Variants in SQOR observed in about 807,000 individuals in gnomAD.
SQOR encodes sulfide:quinone oxidoreductase, mitochondrial.
A neutral mutation model predicts 48.6 loss-of-function variants in SQOR; 39 were observed. That is an observed-to-expected ratio of 0.80 (90% CI 0.62 to 1.05). The LOEUF (loss-of-function observed/expected upper bound fraction) is 1.05, where lower values mean the gene tolerates loss of function less well. Among genes scored for constraint, SQOR ranks in the 50% least tolerant of loss-of-function variants. The pLI is 0.00. For synonymous variants in SQOR, 220 were observed against 206.2 expected, an observed-to-expected ratio of 1.07 and a Z score of -0.57; for missense variants, 561 against 559.9, an observed-to-expected ratio of 1.00 and a Z score of -0.02.
In SQOR at chr15:45,635,068, G is replaced by A. The variant is rs1894974638; in HGVS notation, c.-58G>A. ...GACCCAGAAGGGAGCGAAGGTTTTT[G>A]CTGCGCCAACGCAGTGACCGAAGGC... On this transcript the variant is annotated 5_prime_UTR_variant, in exon 1 of 10. Transcript: ENST00000260324. The A allele has an allele frequency of 6.6e-6, 1 of 152,258 alleles. No homozygotes were observed. The allele number at this position is 152,258 out of a possible 1,614,324, so 9.4% of individuals were successfully genotyped here.
intron 5 of SQOR, among the ~76,000 whole-genome samples, chr15:45,674,720 C>T (rs1284799487): frequency 2.6e-5 from 4 of 152,202 alleles, no homozygotes; most frequent in African/African-American, 9.7e-5. Context: ...CAGCATTCTC[C>T]AAATGCTCTC....
chr15:45,688,955 C>T, intron 8 of SQOR, 84 bp from the exon 9 acceptor site: 1 of 1,121,042 alleles, frequency 8.9e-7, no homozygotes, highest in Non-Finnish European at 1.3e-6. Flanking sequence ...TATAAGCACT[C>T]ACAGCAAATA....
At chr15:45,677,542 A>G (rs1013236630) in intron 6 of SQOR, among the ~76,000 whole-genome samples, 1 of 152,172 alleles carries the variant, frequency 6.6e-6, no homozygotes, top group Non-Finnish European at 1.5e-5. Flanking sequence ...AGCCTCCTTT[A>G]ATCTGTGATG....
chr15:45,652,482 G>A (rs548111118), intron 1 of SQOR, among the ~76,000 whole-genome samples: 10 of 152,048 alleles, frequency 6.6e-5, no homozygotes, highest in Non-Finnish European at 1.2e-4. Context: ...TTACATGCAC[G>A]GGGTACCACG....
chr15:45,690,872 C>T, intron 9 of SQOR, 101 bp from the exon 10 acceptor site: 2 of 989,834 alleles, frequency 2.0e-6, no homozygotes, highest in Admixed American at 3.4e-5. Context: ...TGCTGATGAA[C>T]ATGCTCTGTG....
chr15:45,648,801 G>A (rs1889403962), intron 1 of SQOR, among the ~76,000 whole-genome samples: 1 of 152,226 alleles, frequency 6.6e-6, no homozygotes, highest in African/African-American at 2.4e-5. Context: ...GGCAACAAGA[G>A]CTGGACACTG....
intron 8 of SQOR, 84 bp downstream of exon 8, chr15:45,688,488 TTC>T (rs1377433977): frequency 1.3e-5 from 13 of 1,024,290 alleles, no homozygotes; most frequent in South Asian, 1.6e-5. Context: ...ATTTTGCACT[TTC>T]TGTCTTTTCT....
intron 1 of SQOR, among the ~76,000 whole-genome samples, chr15:45,650,470 A>C (rs952439906): frequency 1.3e-5 from 2 of 152,234 alleles, no homozygotes; most frequent in African/African-American, 4.8e-5. Context: ...GTTACAGCAC[A>C]TAAGGGTAAT....
chr15:45,678,514 C>T (rs1008035131), intron 6 of SQOR, among the ~76,000 whole-genome samples: 17 of 151,924 alleles, frequency 1.1e-4, no homozygotes, highest in South Asian at 8.3e-4. Context: ...AGTAGATTTC[C>T]CTTCCAGCTG....
intron 1 of SQOR, among the ~76,000 whole-genome samples, chr15:45,651,009 C>T (rs561084092): frequency 6.6e-6 from 1 of 152,302 alleles, no homozygotes; most frequent in South Asian, 2.1e-4. Flanking sequence ...GCACCGCGCA[C>T]CTGCACTCCT....
At chr15:45,632,490 G>A (rs1185035919), upstream of SQOR, among the ~76,000 whole-genome samples, 4 of 151,854 alleles carry the variant, frequency 2.6e-5, no homozygotes, top group South Asian at 2.1e-4. Context: ...AAAGTGCTAG[G>A]ATTACAGGCA....
intron 1 of SQOR, among the ~76,000 whole-genome samples, chr15:45,642,132 C>T (rs1895115169): frequency 6.6e-6 from 1 of 152,248 alleles, no homozygotes; most frequent in Admixed American, 6.5e-5. Context: ...TGCTCCAGTT[C>T]ATCCTCTCAG....
intron 7 of SQOR, 107 bp downstream of exon 7, chr15:45,682,768 C>T: frequency 7.5e-7 from 1 of 1,332,072 alleles, no homozygotes; most frequent in Non-Finnish European, 1.0e-6. Flanking sequence ...TGGTTCCTGC[C>T]TGTAATCCCA....
At chr15:45,666,991 C>G (rs1437362735) in intron 3 of SQOR, among the ~76,000 whole-genome samples, 1 of 61,200 alleles carries the variant, frequency 1.6e-5, no homozygotes, top group African/African-American at 6.8e-5. Flanking sequence ...CTCCTCCCCT[C>G]TCTTTCTTCC....
At chr15:45,679,435 G>A (rs971771405) in intron 6 of SQOR, among the ~76,000 whole-genome samples, 1 of 152,156 alleles carries the variant, frequency 6.6e-6, no homozygotes, top group Non-Finnish European at 1.5e-5. Flanking sequence ...CGGACGTGGT[G>A]GCTCAAGTCT....
chr15:45,663,483 T>G (rs1278054388), intron 3 of SQOR, among the ~76,000 whole-genome samples: 2 of 152,130 alleles, frequency 1.3e-5, no homozygotes, highest in African/African-American at 4.8e-5. Flanking sequence ...GTACCTGCTT[T>G]GGCTGAGCAT....
intron 3 of SQOR, among the ~76,000 whole-genome samples, chr15:45,667,941 C>CTTTTTTTTTTTTTTTTTTTTTTTT (rs1204451548): frequency 9.7e-6 from 1 of 103,276 alleles, no homozygotes. Flanking sequence ...TTCTTTCTTT[C>CTTTTTTTTTTTTTTTTTTTTTTTT]TTTTTTTTTT....
chr15:45,677,236 C>T (rs976324637), intron 6 of SQOR, among the ~76,000 whole-genome samples: 3 of 151,798 alleles, frequency 2.0e-5, no homozygotes, highest in Non-Finnish European at 4.4e-5. Context: ...CTTCTATCTG[C>T]CTTTGTCTAT....
chr15:45,662,159 C>T (rs759329918), intron 3 of SQOR, 34 bp downstream of exon 3: 3 of 1,606,672 alleles, frequency 1.9e-6, no homozygotes, highest in Non-Finnish European at 2.6e-6. Flanking sequence ...TTTTGTTAAT[C>T]TGACAGCTTG....
Sources: gnomAD v4.1 joint callset for allele counts (sites outside exome capture counted in the v4.1 genomes callset) on GRCh38, gnomAD v4.1.1 for gene constraint, MANE v1.5 for transcripts, NCBI Gene and HGNC (gene_info 2026-07-23, HGNC 2026-07-21) for gene names.